The following SNPH variants were observed in gnomAD, a reference collection of about 807,000 sequenced individuals.
SNPH encodes the protein syntaphilin.
SNPH carries 10 observed loss-of-function variants against 36.8 expected under a neutral mutation model. The observed-to-expected ratio is 0.27, with a 90% confidence interval of 0.17 to 0.46. The LOEUF (loss-of-function observed/expected upper bound fraction) is 0.46, where lower values mean the gene tolerates loss of function less well. Ranked by LOEUF, SNPH falls within the 20% of genes least tolerant of loss-of-function variation. The pLI, the probability that SNPH is intolerant of heterozygous loss-of-function variation, is 1.00. For synonymous variants in SNPH, 281 were observed against 312.2 expected (o/e 0.90, Z 1.05); for missense variants, 622 against 744.0 (o/e 0.84, Z 1.91).
At chr20:1,289,069 G>A (rs2088319317) in intron 2 of SNPH, among the ~76,000 whole-genome samples, 1 of 152,162 alleles carries the variant, frequency 6.6e-6, no homozygotes, top group Admixed American at 6.5e-5. Context: ...GGAAAAGTAG[G>A]TTTTTTCTTT....
rs544589713 is a variant in SNPH at position 1,305,281 on chromosome 20, G to A, written c.844G>A (p.Glu282Lys). The change falls in exon 7 of 7, where the codon GAG becomes AAG. Residue 282 changes from glutamate (E) to lysine (K), a missense_variant. Physicochemically the swap from Glu to Lys is moderately conservative, Grantham distance 56. Transcript: ENST00000381867. ...QPGDPSSGSAEDGADSGFAAA... is the reference protein window; with the variant it reads ...QPGDPSSGSAKDGADSGFAAA... The stretch of plus-strand genomic sequence containing the variant: ...GGGTGATCCCTCCAGCGGCTCTGCT[G>A]AGGATGGGGCAGACAGTGGCTTTGC... 12 of 1,610,864 alleles carry A rather than the reference G, an allele frequency of 7.4e-6. No homozygotes were observed. In the African/African-American group the frequency reaches 1.5e-4, roughly 20 times the overall value.
At chr20:1,289,269 TG>T (rs2088321877) in intron 2 of SNPH, among the ~76,000 whole-genome samples, 1 of 152,066 alleles carries the variant, frequency 6.6e-6, no homozygotes. Flanking sequence ...ATGGGGAATT[TG>T]TGTGAGGATT....
At position 1,271,530 on chromosome 20, in the gene SNPH, G is replaced by A. The variant is rs557068573; in HGVS notation, c.-493+4770G>A. ...AAAATTTTTGTATTTTTAGTAGAGA[G>A]GGGGTTTCACCATGTTAGCCAGGCT... On this transcript the variant is annotated intron_variant, in intron 2 of 6. Coordinates refer to ENST00000381867, the MANE Select transcript of SNPH (RefSeq NM_001318234.2). 7.2e-4 allele frequency among the ~76,000 whole-genome samples: 109 copies of A among 152,140 alleles called. 1 individual carries two copies. The highest frequency in any genetic ancestry group is 1.0e-3 in the Admixed American group (16 of 15,300).
At chr20:1,300,828 T>C in intron 6 of SNPH, 117 bp downstream of exon 6, 2 of 1,021,638 alleles carry the variant, frequency 2.0e-6, no homozygotes, top group Non-Finnish European at 2.8e-6. Context: ...CCAGCATCCG[T>C]CTGCTCTCTC....
At position 1,277,569 on chromosome 20, in the gene SNPH, T is replaced by TC. The variant is rs1555779038; in HGVS notation, c.-493+10809_-493+10810insC. Among the ~76,000 whole-genome samples, 438 of 117,078 alleles carry TC rather than the reference T, an allele frequency of 3.7e-3. 4 individuals are homozygous for TC. The highest frequency in any genetic ancestry group is 0.013 in the African/African-American group (412 of 31,210). The allele number at this position is 117,078 out of a possible 152,430, so 76.8% of individuals were successfully genotyped here. A position where few individuals can be genotyped will look rare whatever the true frequency, so the allele number is the denominator to read the frequency against. On this transcript the variant is annotated intron_variant, in intron 2 of 6. Coordinates refer to ENST00000381867, the MANE Select transcript of SNPH (RefSeq NM_001318234.2). ...TGTGTGTGTATCTGTGTGTGTGTCG[T>TC]GTGTCTGTGTGTGTGTGTCAGTGTC...
At chr20:1,291,134 A>C (rs1254404378) in intron 2 of SNPH, among the ~76,000 whole-genome samples, 1 of 152,226 alleles carries the variant, frequency 6.6e-6, no homozygotes, top group Non-Finnish European at 1.5e-5. Context: ...ATCTGAGTCT[A>C]ATCACTGGAG....
chr20:1,305,762 T>C lies in SNPH; in HGVS notation c.1325T>C (p.Val442Ala). Residue 442 changes from valine to alanine, a missense_variant, in exon 7 of 7, where the codon GTG (valine) becomes GCG (alanine). Around this residue, in one of 3 missense-constraint regions of SNPH, gnomAD observed 379 missense variants for 427.9 expected, o/e 0.89. Transcript: ENST00000381867. ...PGANPNPGQS[V>A]SVVCPMEEEE... ...GCCAACCCCAACCCTGGCCAGTCGG[T>C]GAGCGTGGTGTGCCCCATGGAAGAG... The C allele has an allele frequency of 6.2e-7, 1 of 1,610,886 alleles. No individual in the cohort carries two copies.
chr20:1,300,932 CG>C, intron 6 of SNPH, among the ~76,000 whole-genome samples: 1 of 152,332 alleles, frequency 6.6e-6, no homozygotes, highest in East Asian at 1.9e-4. Flanking sequence ...GGGGGCCAGG[CG>C]GGAGCAGTTT....
chr20:1,282,845 G>T (rs1245154730), intron 2 of SNPH, among the ~76,000 whole-genome samples: 1 of 152,090 alleles, frequency 6.6e-6, no homozygotes, highest in Non-Finnish European at 1.5e-5. Flanking sequence ...TAAAGCTCGT[G>T]GTCAGCCCTA....
chr20:1,294,690 G>A lies in SNPH; in HGVS notation c.-492-261G>A, dbSNP rs569624708. On this transcript the variant is annotated intron_variant, in intron 2 of 6. Transcript: ENST00000381867. This position sits in a 1 kb window ranked among gnomAD's most constrained non-coding sequence, Gnocchi z 4.4. ...CCCCGCCAGGAAACAGGCCATCTGA[G>A]TAGTGCCTTTGTCCACTCAGGAGGC... Among the ~76,000 whole-genome samples, 1 of 152,212 alleles carries A rather than the reference G, an allele frequency of 6.6e-6. No homozygotes were observed. Among genetic ancestry groups the A allele is most frequent in the Non-Finnish European group, 1.5e-5 (1 of 68,036 alleles).
chr20:1,296,541 C>A, intron 4 of SNPH, 120 bp downstream of exon 4: 1 of 852,522 alleles, frequency 1.2e-6, no homozygotes, highest in Non-Finnish European at 1.8e-6. Flanking sequence ...CCATTCCCAT[C>A]TTTAAAATGA....
chr20:1,276,770 A>G lies in SNPH; in HGVS notation c.-493+10010A>G, dbSNP rs2088136811. Among the ~76,000 whole-genome samples the G allele has an allele frequency of 6.6e-6, 1 of 152,204 alleles. No homozygotes were observed. Among genetic ancestry groups the G allele is most frequent in the African/African-American group, 2.4e-5 (1 of 41,454 alleles). On this transcript the variant is annotated intron_variant, in intron 2 of 6. Coordinates refer to ENST00000381867, the MANE Select transcript of SNPH (RefSeq NM_001318234.2). This position sits in a 1 kb window ranked among gnomAD's most constrained non-coding sequence, Gnocchi z 4.6. ...AGTGAGCTCCCTCCTCACTGGAGGTATTCAAACTGGGTCCGGGTGACTGCA... is the reference window on the plus strand; with the variant it reads ...AGTGAGCTCCCTCCTCACTGGAGGTGTTCAAACTGGGTCCGGGTGACTGCA...
intron 2 of SNPH, among the ~76,000 whole-genome samples, chr20:1,271,109 G>C (rs2088067447): frequency 6.6e-6 from 1 of 152,206 alleles, no homozygotes; most frequent in South Asian, 2.1e-4. Context: ...GAATTGAGGG[G>C]CTGAGCCAAC....
In SNPH at chr20:1,294,202, C is replaced by T. The variant is rs866760149; in HGVS notation, c.-492-749C>T. Among the ~76,000 whole-genome samples the T allele has an allele frequency of 4.6e-5, 7 of 152,222 alleles. No homozygotes were observed. Among genetic ancestry groups the T allele is most frequent in the Admixed American group, 6.5e-5 (1 of 15,284 alleles). On this transcript the variant is annotated intron_variant, in intron 2 of 6. Coordinates refer to ENST00000381867, the MANE Select transcript of SNPH (RefSeq NM_001318234.2). This position sits in a 1 kb window ranked among gnomAD's most constrained non-coding sequence, Gnocchi z 4.4. ...TTGGGCCCAAATGCAGTAACAAAGC[C>T]GGCCTTGAAGGATTGCTGCTTCAAG...
intron 2 of SNPH, among the ~76,000 whole-genome samples, chr20:1,280,571 A>G (rs2088204920): frequency 1.3e-5 from 2 of 152,234 alleles, no homozygotes; most frequent in South Asian, 4.1e-4. Context: ...CACTTTATAC[A>G]TGGGCAGACT....
rs561149300 is a variant in SNPH at position 1,276,204 on chromosome 20, G to C, written c.-493+9444G>C. On this transcript the variant is annotated intron_variant, in intron 2 of 6. Transcript: ENST00000381867. This position sits in a 1 kb window ranked among gnomAD's most constrained non-coding sequence, Gnocchi z 4.6. Reference sequence around the variant, plus strand: ...ACTGTCTGTGGCTTCCTTCTGGAGAGCCCCTTCCCCCTCCACAGGAGGGGG... The same window carrying C: ...ACTGTCTGTGGCTTCCTTCTGGAGACCCCCTTCCCCCTCCACAGGAGGGGG... Among the ~76,000 whole-genome samples, 71 of 152,106 alleles carry C rather than the reference G, an allele frequency of 4.7e-4. No homozygotes were observed. Among genetic ancestry groups the C allele is most frequent in the Non-Finnish European group, 6.8e-4 (46 of 67,952 alleles).
At chr20:1,267,202 A>G in intron 2 of SNPH, among the ~76,000 whole-genome samples, 1 of 151,106 alleles carries the variant, frequency 6.6e-6, no homozygotes, top group Non-Finnish European at 1.5e-5. Flanking sequence ...CCCTCTGAGA[A>G]GCATCAGGGC....
At chr20:1,267,649 T>C (rs986315841) in intron 2 of SNPH, among the ~76,000 whole-genome samples, 6 of 152,232 alleles carry the variant, frequency 3.9e-5, no homozygotes, top group Non-Finnish European at 8.8e-5. Context: ...TGTATAATTT[T>C]AGTATATCAC....
intron 2 of SNPH, among the ~76,000 whole-genome samples, chr20:1,281,388 C>A (rs1035491592): frequency 6.6e-6 from 1 of 152,220 alleles, no homozygotes; most frequent in Non-Finnish European, 1.5e-5. Flanking sequence ...TGACCTTGAG[C>A]CTTAGGCCTG....
Sources: gnomAD v4.1 joint callset for allele counts (sites outside exome capture counted in the v4.1 genomes callset) on GRCh38, gnomAD v4.1.1 for gene constraint, gnomAD v4.1.1 regional missense constraint, Gnocchi (gnomAD v3.1) non-coding constraint, MANE v1.5 for transcripts, NCBI Gene and HGNC (gene_info 2026-07-23, HGNC 2026-07-21) for gene names.